Variants in RAPGEF6 observed in about 807,000 individuals in gnomAD.
RAPGEF6 encodes PDZ domain containing guanine nucleotide exchange factor (GEF) 2.
Under a neutral mutation model 171.4 loss-of-function variants are expected in RAPGEF6, and 56 were observed. The ratio of observed to expected loss-of-function variants is 0.33; its 90% CI spans 0.26 to 0.41. RAPGEF6 has a LOEUF of 0.41. RAPGEF6 is among the 10% of genes least tolerant of loss of function. The pLI is 1.00. For synonymous variants in RAPGEF6, 692 were observed against 650.1 expected, an observed-to-expected ratio of 1.06 and a Z score of -0.98; for missense variants, 1,674 against 1,921.4, an observed-to-expected ratio of 0.87 and a Z score of 2.41.
intron 11 of RAPGEF6, among the ~76,000 whole-genome samples, chr5:131,499,397 A>G (rs1464019722): frequency 6.6e-6 from 1 of 152,060 alleles, no homozygotes; most frequent in African/African-American, 2.4e-5. Flanking sequence ...CCTGGCCAAC[A>G]TGGTGAAACC....
chr5:131,522,963 T>A (rs1276458794), intron 6 of RAPGEF6, among the ~76,000 whole-genome samples: 1 of 152,178 alleles, frequency 6.6e-6, no homozygotes, highest in African/African-American at 2.4e-5. Flanking sequence ...CAATCAACTG[T>A]TGGAAGCAAA....
At chr5:131,430,623 G>C (rs548544779) in intron 26 of RAPGEF6, 62 of 647,058 alleles carry the variant, frequency 9.6e-5, no homozygotes, top group Non-Finnish European at 1.7e-4. Flanking sequence ...AAACAAACTT[G>C]TCCCTCTAAT....
Position 131,485,645 on chromosome 5 carries a change from C to G in RAPGEF6, c.1840+3901G>C, listed in dbSNP as rs1166083610. On this transcript the variant is annotated intron_variant, in intron 15 of 27. Coordinates refer to ENST00000509018, the MANE Select transcript of RAPGEF6 (RefSeq NM_016340.6). ...AGTGAATTCATTGCTGGTAGTGGTA[C>G]TTTGAATTATGGTATTCTTCTGCGA... 2.6e-5 allele frequency among the ~76,000 whole-genome samples: 4 copies of G among 152,094 alleles called. No individual in the cohort carries two copies. The East Asian group carries it at 7.7e-4, about 29-fold the overall frequency.
At position 131,504,672 on chromosome 5, in the gene RAPGEF6, C is replaced by A. The variant is rs145502622; in HGVS notation, c.1208G>T (p.Arg403Leu). ...CCTGGTTCCACTCCGGTCTAGTTCC[C>A]GATGCTCATGTACCATAACAATTTC... Reference protein sequence around the residue: ...EGEIVMVHEHRELDRSGTRKG... With the variant: ...EGEIVMVHEHLELDRSGTRKG... The change falls in exon 11 of 28, where the codon CGG (arginine) becomes CTG (leucine). Residue 403 changes from arginine to leucine, a missense_variant. Physicochemically the swap from Arg to Leu is moderately radical, Grantham distance 102 (BLOSUM62 -2). Coordinates refer to ENST00000509018, the MANE Select transcript of RAPGEF6 (RefSeq NM_016340.6). 1.2e-6 allele frequency: 2 copies of A among 1,613,358 alleles called. No individual in the cohort carries two copies. The highest frequency in any genetic ancestry group is 1.7e-6 in the Non-Finnish European group (2 of 1,179,838).
intron 5 of RAPGEF6, among the ~76,000 whole-genome samples, chr5:131,557,383 C>T (rs1451521175): frequency 6.6e-6 from 1 of 152,070 alleles, no homozygotes; most frequent in African/African-American, 2.4e-5. Context: ...TTTCTACTTG[C>T]TTGTAAGGAA....
intron 11 of RAPGEF6, among the ~76,000 whole-genome samples, chr5:131,502,656 G>C (rs1400715077): frequency 1.3e-5 from 2 of 152,230 alleles, no homozygotes; most frequent in Non-Finnish European, 2.9e-5. Flanking sequence ...ATTAACAACA[G>C]TGAAGGACTG....
intron 4 of RAPGEF6, among the ~76,000 whole-genome samples, chr5:131,580,061 T>C (rs909372406): frequency 2.0e-5 from 3 of 152,210 alleles, no homozygotes; most frequent in African/African-American, 7.2e-5. Context: ...GGGTGGTCGA[T>C]GGGACCAGGC....
intron 15 of RAPGEF6, among the ~76,000 whole-genome samples, chr5:131,487,223 C>T (rs187154375): frequency 6.6e-4 from 100 of 152,278 alleles, no homozygotes; most frequent in African/African-American, 2.2e-3. Context: ...CGGACCTTCG[C>T]GGCGAGTGTT....
intron 1 of RAPGEF6, among the ~76,000 whole-genome samples, chr5:131,613,404 C>T (rs1239930338): frequency 2.0e-5 from 3 of 151,236 alleles, no homozygotes; most frequent in Non-Finnish European, 2.9e-5. Flanking sequence ...AGCGAGACTC[C>T]GTGTGTCTGT....
Position 131,442,487 on chromosome 5 carries a change from G to T in RAPGEF6, c.3472C>A (p.Pro1158Thr). ...KRSAKSSEMS[P>T]VPMRSAGQTT... ...TGGCCAGCTGACCTCATAGGCACTG[G>T]AGACATTTCAGATGATTTGGCTGAT... The change falls in exon 23 of 28, where the codon CCA becomes ACA. Residue 1158 changes from proline (P) to threonine (T), a missense_variant. Transcript: ENST00000509018. 1 of 1,614,172 alleles carries T rather than the reference G, an allele frequency of 6.2e-7. No individual in the cohort carries two copies. The highest frequency in any genetic ancestry group is 8.5e-7 in the Non-Finnish European group (1 of 1,180,034).
At chr5:131,618,944 A>C (rs1765436888) in intron 1 of RAPGEF6, among the ~76,000 whole-genome samples, 2 of 151,954 alleles carry the variant, frequency 1.3e-5, no homozygotes, top group East Asian at 1.9e-4. Context: ...AAATCATTTC[A>C]CCTTAATCTA....
intron 1 of RAPGEF6, among the ~76,000 whole-genome samples, chr5:131,625,807 G>C (rs1417959664): frequency 8.6e-6 from 1 of 115,780 alleles, no homozygotes; most frequent in Admixed American, 1.0e-4. Flanking sequence ...CAGAGACTCC[G>C]TCTCAAAAAA....
chr5:131,437,972 C>A (rs1420253752), intron 24 of RAPGEF6, among the ~76,000 whole-genome samples: 2 of 151,590 alleles, frequency 1.3e-5, no homozygotes, highest in African/African-American at 4.9e-5. Flanking sequence ...TTGCTCTTGT[C>A]ACCCAGGTTA....
intron 26 of RAPGEF6, among the ~76,000 whole-genome samples, chr5:131,430,049 C>CAAA (rs200813208): frequency 4.6e-5 from 4 of 86,328 alleles, no homozygotes; most frequent in African/African-American, 1.4e-4. Flanking sequence ...GAGTCCATCT[C>CAAA]AAAAAAAAAA....
Position 131,635,178 on chromosome 5 carries a change from G to T in RAPGEF6, c.-148C>A. On this transcript the variant is annotated 5_prime_UTR_variant, in exon 1 of 28. Transcript: ENST00000509018. ...TCCGAACTCTAGCAAACAACCCTTC[G>T]CAACGCCCGCCTAAGGCCTCTACCC... is the stretch of plus-strand genomic sequence containing the variant. 1.3e-6 allele frequency: 1 copy of T among 796,778 alleles called. No homozygotes were observed. Among genetic ancestry groups the T allele is most frequent in the Non-Finnish European group, 1.9e-6 (1 of 522,010 alleles). 49.4% of individuals were successfully genotyped at this position (796,778 alleles called of 1,614,324 possible).
intron 13 of RAPGEF6, among the ~76,000 whole-genome samples, chr5:131,493,537 G>T (rs905200122): frequency 6.6e-6 from 1 of 151,938 alleles, no homozygotes; most frequent in Non-Finnish European, 1.5e-5. Context: ...TTTTCATCTC[G>T]TCCAGAAAAG....
At chr5:131,542,863 A>T (rs1169940467) in intron 6 of RAPGEF6, among the ~76,000 whole-genome samples, 1 of 152,206 alleles carries the variant, frequency 6.6e-6, no homozygotes, top group African/African-American at 2.4e-5. Context: ...TGGCCAAAAA[A>T]TAGGAAATAC....
At chr5:131,465,414 C>G (rs958802189) in intron 17 of RAPGEF6, among the ~76,000 whole-genome samples, 2 of 151,982 alleles carry the variant, frequency 1.3e-5, no homozygotes, top group Non-Finnish European at 2.9e-5. Flanking sequence ...TGAAAAGTGA[C>G]TTTATAGCAT....
chr5:131,543,791 C>T (rs1229394834), intron 6 of RAPGEF6, among the ~76,000 whole-genome samples: 1 of 152,122 alleles, frequency 6.6e-6, no homozygotes, highest in Non-Finnish European at 1.5e-5. Context: ...TGCTCTTGAT[C>T]ACCTTTCTGC....
Sources: allele counts gnomAD v4.1 joint callset (sites outside exome capture counted in the v4.1 genomes callset), GRCh38; gene constraint gnomAD v4.1.1; transcripts MANE v1.5; gene names NCBI Gene and HGNC (gene_info 2026-07-23, HGNC 2026-07-21).